Variants in ITIH1 observed in about 807,000 individuals in gnomAD.
ITIH1 encodes the protein inter-alpha-trypsin inhibitor heavy chain 1, also known as inter-alpha-trypsin inhibitor heavy chain H1.
A neutral mutation model predicts 104.6 loss-of-function variants in ITIH1; 94 were observed. The observed-to-expected ratio is 0.90, with a 90% CI of 0.76 to 1.07. ITIH1 has a LOEUF of 1.07. ITIH1 is among the 50% of genes least tolerant of loss of function. The pLI, the probability that ITIH1 is intolerant of heterozygous loss-of-function variation, is 0.00. For synonymous variants in ITIH1, 455 were observed against 464.4 expected (o/e 0.98, Z 0.26); for missense variants, 1,193 against 1,181.4 (o/e 1.01, Z -0.14).
chr3:52,784,917 A>T, intron 11 of ITIH1, 127 bp from the exon 12 acceptor site: 1 of 869,290 alleles, frequency 1.2e-6, no homozygotes, highest in Non-Finnish European at 1.8e-6. Context: ...CGAGCCAGCT[A>T]CTTGACCTCT....
chr3:52,788,199 T>G, intron 17 of ITIH1, 33 bp from the exon 18 acceptor site: 1 of 1,559,458 alleles, frequency 6.4e-7, no homozygotes, highest in African/African-American at 1.4e-5. Flanking sequence ...CTGCCCGATG[T>G]CCAATCTAAC....
At chr3:52,782,304 C>G (rs1292819058) in intron 8 of ITIH1, 37 bp downstream of exon 8, 3 of 1,494,578 alleles carry the variant, frequency 2.0e-6, no homozygotes, top group Non-Finnish European at 2.8e-6. Flanking sequence ...CCAGCAGAAG[C>G]TTCCACAGCC....
At chr3:52,783,371 G>GCT (rs1280870439) in intron 10 of ITIH1, 32 bp downstream of exon 10, 1 of 1,607,888 alleles carries the variant, frequency 6.2e-7, no homozygotes, top group Admixed American at 1.7e-5. Flanking sequence ...TTGGGAGGTA[G>GCT]TGATCTCCTT....
chr3:52,789,854 G>C lies in ITIH1; in HGVS notation c.2321G>C (p.Gly774Ala). The change falls in exon 19 of 22, where the codon GGG (glycine) becomes GCG (alanine). Residue 774 changes from glycine (G) to alanine (A), a missense_variant and splice_region_variant. Gly to Ala is a moderately conservative substitution (Grantham distance 60). Transcript: ENST00000273283. ...WRDQAVLRQDGVVVTINKKRN... is the reference protein window; with the variant it reads ...WRDQAVLRQDAVVVTINKKRN... Reference sequence around the variant, plus strand: ...GACCAAGCTGTGCTGCGGCAGGACGGGTAACCTGCCAGGGCCTGGGCAAGA... The same window carrying C: ...GACCAAGCTGTGCTGCGGCAGGACGCGTAACCTGCCAGGGCCTGGGCAAGA... 2 of 1,613,952 alleles carry C rather than the reference G, an allele frequency of 1.2e-6. No individual in the cohort carries two copies. Among genetic ancestry groups the C allele is most frequent in the Non-Finnish European group, 1.7e-6 (2 of 1,179,894 alleles).
At chr3:52,778,275 C>T (rs1322464941) in intron 2 of ITIH1, 65 bp from the exon 3 acceptor site, 1 of 1,530,854 alleles carries the variant, frequency 6.5e-7, no homozygotes, top group African/African-American at 1.4e-5. Context: ...GTCCCCGTAC[C>T]ACAGGAAGTC....
intron 18 of ITIH1, among the ~76,000 whole-genome samples, chr3:52,789,338 G>C (rs1371423298): frequency 2.0e-5 from 3 of 152,138 alleles, no homozygotes; most frequent in Non-Finnish European, 4.4e-5. Flanking sequence ...CAGCACAATG[G>C]GAGCCTGTCC....
intron 18 of ITIH1, among the ~76,000 whole-genome samples, chr3:52,788,937 C>CCCTTCATTTATTT (rs528671466): frequency 1.1e-3 from 161 of 152,310 alleles, no homozygotes; most frequent in Admixed American, 2.2e-3. Context: ...TTATTTCATA[C>CCCTTCATTTATTT]TAGGTCCTGC....
At chr3:52,790,037 C>A in intron 19 of ITIH1, 183 bp downstream of exon 19, 1 of 630,892 alleles carries the variant, frequency 1.6e-6, no homozygotes, top group Admixed American at 2.7e-5. Flanking sequence ...TGGATATGTC[C>A]TCTGGGCCCA....
Position 52,780,241 on chromosome 3 carries a change from A to T in ITIH1, c.574-28A>T, listed in dbSNP as rs116305683. ...AAAGCAAGATCCCATCTTTTTTTTTAAAAAAATAATTTGCTTCAATGTTGC... is the reference window on the plus strand; with the variant it reads ...AAAGCAAGATCCCATCTTTTTTTTTTAAAAAATAATTTGCTTCAATGTTGC... On this transcript the variant is annotated intron_variant, in intron 5 of 21. Coordinates refer to ENST00000273283, the MANE Select transcript of ITIH1 (RefSeq NM_002215.4). 11,416 of 1,528,698 alleles carry T rather than the reference A, an allele frequency of 7.5e-3. 112 individuals carry two copies. The highest frequency in any genetic ancestry group is 0.056 in the Middle Eastern group (326 of 5,810). 94.7% of individuals were successfully genotyped at this position (1,528,698 alleles called of 1,614,324 possible). A position where few individuals can be genotyped will look rare whatever the true frequency, so the allele number is the denominator to read the frequency against.
At chr3:52,791,437 C>A (rs1699352633) in intron 20 of ITIH1, 80 bp from the exon 21 acceptor site, 2 of 1,155,168 alleles carry the variant, frequency 1.7e-6, no homozygotes, top group Non-Finnish European at 2.6e-6. Flanking sequence ...ATGCTCTAAC[C>A]CCGCAGTGAG....
intron 16 of ITIH1, 146 bp downstream of exon 16, chr3:52,787,758 C>T (rs1238898064): frequency 2.5e-5 from 25 of 1,018,274 alleles, no homozygotes; most frequent in Non-Finnish European, 1.6e-6. Flanking sequence ...CCTCCCCAGC[C>T]TGAGGTCCCT....
rs1698980150 is a variant in ITIH1 at position 52,779,292 on chromosome 3, C to A, written c.411-140C>A. 1 of 962,180 alleles carries A rather than the reference C, an allele frequency of 1.0e-6. No individual in the cohort carries two copies. The highest frequency in any genetic ancestry group is 1.6e-6 in the Non-Finnish European group (1 of 626,766). The allele number at this position is 962,180 out of a possible 1,614,324, so 59.6% of individuals were successfully genotyped here. On this transcript the variant is annotated intron_variant, in intron 4 of 21. Coordinates refer to ENST00000273283, the MANE Select transcript of ITIH1 (RefSeq NM_002215.4). This position sits in a 1 kb window ranked among gnomAD's most constrained non-coding sequence, Gnocchi z 4.4. The stretch of plus-strand genomic sequence containing the variant: ...GCCCTGACCCTGACCAGCCAGCTAA[C>A]ACATTTGTGAGGTCCAGGGAAACCT...
chr3:52,779,186 C>A lies in ITIH1; in HGVS notation c.410+140C>A. 1.3e-6 allele frequency: 1 copy of A among 750,268 alleles called. No homozygotes were observed. Among genetic ancestry groups the A allele is most frequent in the Admixed American group, 2.1e-5 (1 of 48,012 alleles). The allele number at this position is 750,268 out of a possible 1,614,324, so 46.5% of individuals were successfully genotyped here. A position where few individuals can be genotyped will look rare whatever the true frequency, so the allele number is the denominator to read the frequency against. ...CAAACTGCCCAAACCCAGATGCCAG[C>A]ACGGTGCACTGAACAGGCTGCCGTG... is the stretch of plus-strand genomic sequence containing the variant. On this transcript the variant is annotated intron_variant, in intron 4 of 21. Coordinates refer to ENST00000273283, the MANE Select transcript of ITIH1 (RefSeq NM_002215.4). The surrounding 1 kb of genome is among the most constrained non-coding windows in gnomAD (Gnocchi z 4.4).
chr3:52,779,567 G>C lies in ITIH1; in HGVS notation c.546G>C (p.Lys182Asn). 6.2e-7 allele frequency: 1 copy of C among 1,614,204 alleles called. No individual in the cohort carries two copies. The highest frequency in any genetic ancestry group is 1.1e-5 in the South Asian group (1 of 91,088). The change falls in exon 5 of 22, where the codon AAG becomes AAC. Residue 182 changes from lysine (K) to asparagine (N), a missense_variant. Coordinates refer to ENST00000273283, the MANE Select transcript of ITIH1 (RefSeq NM_002215.4). The surrounding 1 kb of genome is among the most constrained non-coding windows in gnomAD (Gnocchi z 4.4). ...HMQYEIVIKV[K>N]PKQLVHHFEI... ...AGTATGAAATTGTCATCAAAGTCAA[G>C]CCCAAGCAGCTGGTGCATCATTTTG... is the stretch of plus-strand genomic sequence containing the variant.
chr3:52,782,297 G>C, intron 8 of ITIH1, 30 bp downstream of exon 8: 1 of 1,552,034 alleles, frequency 6.4e-7, no homozygotes, highest in Non-Finnish European at 8.9e-7. Flanking sequence ...AGCTCACCCA[G>C]CAGAAGCTTC....
chr3:52,791,711 G>A, intron 21 of ITIH1, 71 bp from the exon 22 acceptor site: 1 of 1,606,590 alleles, frequency 6.2e-7, no homozygotes, highest in Non-Finnish European at 8.5e-7. Context: ...CACATGGGTG[G>A]GGTGAGCTTC....
In ITIH1 at chr3:52,777,637, C is replaced by A. The variant is rs751917960; in HGVS notation, c.22C>A (p.Arg8=). MDGAMGP[R]GLLLCMYLVS... ...GAGCATGGACGGTGCCATGGGGCCT[C>A]GGGGGCTGCTGTTGTGCATGTACCT... The change falls in exon 1 of 22, where the codon CGG becomes AGG. Residue 8 remains arginine, a synonymous_variant. Transcript: ENST00000273283. 5.0e-6 allele frequency: 8 copies of A among 1,593,472 alleles called. No individual in the cohort carries two copies. Among genetic ancestry groups the A allele is most frequent in the African/African-American group, 1.3e-5 (1 of 74,246 alleles).
rs7621840 is a variant in ITIH1, at chr3:52,784,198, G to A, written c.1226-98G>A. On this transcript the variant is annotated intron_variant, in intron 10 of 21. Transcript: ENST00000273283. Reference sequence around the variant, plus strand: ...CAGGAGCCTGGAGATGCTCTGAGATGGAAGGCTTGAGCCCCAGGGAGTGTT... The same window carrying A: ...CAGGAGCCTGGAGATGCTCTGAGATAGAAGGCTTGAGCCCCAGGGAGTGTT... 6.0e-4 allele frequency: 642 copies of A among 1,070,536 alleles called. 2 individuals carry two copies. In the African/African-American group the frequency reaches 8.5e-3, roughly 14 times the overall value. 66.3% of individuals were successfully genotyped at this position (1,070,536 alleles called of 1,614,324 possible). A position where few individuals can be genotyped will look rare whatever the true frequency, so the allele number is the denominator to read the frequency against.
chr3:52,782,982 TGG>T lies in ITIH1; in HGVS notation c.960_961del (p.Asp321HisfsTer8). 1 of 1,614,058 alleles carries T rather than the reference TGG, an allele frequency of 6.2e-7. No homozygotes were observed. The highest frequency in any genetic ancestry group is 8.5e-7 in the Non-Finnish European group (1 of 1,179,974). On this transcript the variant is annotated frameshift_variant, in exon 9 of 22. Transcript: ENST00000273283. LOFTEE classifies it high-confidence loss of function. ...ACCAAGGAGGCACTCCTTAAAATTC[TGG>T]GGGACATGCAGCCAGGGGACTACTT...
Sources: allele counts gnomAD v4.1 joint callset (sites outside exome capture counted in the v4.1 genomes callset), GRCh38; gene constraint gnomAD v4.1.1; non-coding constraint Gnocchi (gnomAD v3.1); transcripts MANE v1.5; gene names NCBI Gene and HGNC (gene_info 2026-07-23, HGNC 2026-07-21).